Variants in NR3C1 observed in about 807,000 individuals in gnomAD.
The protein encoded by NR3C1 is nuclear receptor subfamily 3 group C member 1, also known as glucocorticoid receptor.
A neutral mutation model predicts 74.0 loss-of-function variants in NR3C1; 14 were observed. That is an observed-to-expected ratio of 0.19 (90% CI 0.12 to 0.30). The LOEUF is 0.30. Ranked by LOEUF, NR3C1 falls within the 10% of genes least tolerant of loss-of-function variation. The pLI, the probability that NR3C1 is intolerant of heterozygous loss-of-function variation, is 1.00. For synonymous variants in NR3C1, 308 were observed against 332.5 expected (o/e 0.93, Z 0.80); for missense variants, 695 against 909.8 (o/e 0.76, Z 3.04).
chr5:143,285,020 TTA>T (rs1814058870), intron 7 of NR3C1, among the ~76,000 whole-genome samples: 2 of 129,524 alleles, frequency 1.5e-5, no homozygotes, highest in African/African-American at 3.2e-5. Flanking sequence ...TCTGTACAAT[TTA>T]TGGGTCAGAC....
In NR3C1 at chr5:143,388,040, CTA is replaced by C. The variant is rs61751255; in HGVS notation, c.1184+11614_1184+11615del. Among the ~76,000 whole-genome samples the C allele has an allele frequency of 5.4e-3, 823 of 152,308 alleles. 12 individuals carry two copies. The highest frequency in any genetic ancestry group is 0.019 in the African/African-American group (806 of 41,568). On this transcript the variant is annotated intron_variant, in intron 2 of 8. Transcript: ENST00000394464. ...CAAAAGTTCCTATATTGACAATTTA[CTA>C]TGTTACTGCCTTGAGCAAGCTTTTA...
chr5:143,400,258 C>A lies in NR3C1; in HGVS notation c.582G>T (p.Leu194Phe), dbSNP rs763687387. 5.6e-6 allele frequency: 9 copies of A among 1,596,822 alleles called. No individual in the cohort carries two copies. The highest frequency in any genetic ancestry group is 3.4e-6 in the Non-Finnish European group (4 of 1,172,930). Residue 194 changes from leucine to phenylalanine, a missense_variant, in exon 2 of 9, where the codon TTG becomes TTT. By Grantham distance (22) the Leu-to-Phe change is conservative (BLOSUM62 0). Transcript: ENST00000394464. ...ACCCAGAAGAAAACTCCAAATCCTG[C>A]AAAATGTCAAAGGTGCTTTGGTCTG... is the stretch of plus-strand genomic sequence containing the variant. ...YTTDQSTFDI[L>F]QDLEFSSGSP...
At chr5:143,349,509 T>C (rs1055863539) in intron 2 of NR3C1, among the ~76,000 whole-genome samples, 2 of 152,172 alleles carry the variant, frequency 1.3e-5, no homozygotes, top group Admixed American at 6.5e-5. Context: ...TGTTATCAGA[T>C]AGTGGACTCT....
intron 4 of NR3C1, among the ~76,000 whole-genome samples, chr5:143,301,386 G>A (rs886497950): frequency 5.3e-5 from 8 of 152,110 alleles, no homozygotes; most frequent in African/African-American, 1.9e-4. Flanking sequence ...TAAATACTGC[G>A]TGGGACTAAA....
exon 1 of NR3C1, chr5:143,434,955 TA>T (rs925723508): frequency 1.0e-6 from 1 of 985,000 alleles, no homozygotes; most frequent in Non-Finnish European, 1.2e-6. Flanking sequence ...CTCTCGGGTA[TA>T]ACTTTTTTTT....
At chr5:143,377,499 G>C (rs892793414) in intron 2 of NR3C1, among the ~76,000 whole-genome samples, 12 of 152,228 alleles carry the variant, frequency 7.9e-5, no homozygotes, top group Admixed American at 7.9e-4. Flanking sequence ...TTCAGCACCT[G>C]CTACAGTTAA....
At chr5:143,365,497 TA>T in intron 2 of NR3C1, among the ~76,000 whole-genome samples, 1 of 152,296 alleles carries the variant, frequency 6.6e-6, no homozygotes, top group Non-Finnish European at 1.5e-5. Context: ...TACTTGTACC[TA>T]ACAATAGAAT....
At chr5:143,414,436 A>G (rs763590752) in intron 1 of NR3C1, among the ~76,000 whole-genome samples, 9 of 152,206 alleles carry the variant, frequency 5.9e-5, no homozygotes, top group Non-Finnish European at 8.8e-5. Flanking sequence ...CTCTGTGAAT[A>G]CTTGCTGATT....
At chr5:143,339,263 A>C (rs768070478) in intron 2 of NR3C1, among the ~76,000 whole-genome samples, 4 of 152,164 alleles carry the variant, frequency 2.6e-5, no homozygotes, top group Non-Finnish European at 1.5e-5. Context: ...AACTCAAAAT[A>C]AAAAATAGAA....
chr5:143,397,034 T>C (rs891253560), intron 2 of NR3C1, among the ~76,000 whole-genome samples: 2 of 151,874 alleles, frequency 1.3e-5, no homozygotes, highest in African/African-American at 4.8e-5. Flanking sequence ...TTTCTCTTGT[T>C]TTACTATAAA....
intron 2 of NR3C1, among the ~76,000 whole-genome samples, chr5:143,348,166 G>C (rs984028932): frequency 1.4e-4 from 21 of 152,264 alleles, no homozygotes; most frequent in Non-Finnish European, 1.0e-4. Context: ...GCATCAGCTC[G>C]TGTTTCCGGT....
chr5:143,335,103 T>A (rs1284388631), intron 2 of NR3C1, among the ~76,000 whole-genome samples: 1 of 152,176 alleles, frequency 6.6e-6, no homozygotes, highest in East Asian at 1.9e-4. Flanking sequence ...ACGCTATTTG[T>A]GGGTCTTGGT....
At chr5:143,356,228 T>A (rs1475213907) in intron 2 of NR3C1, among the ~76,000 whole-genome samples, 1 of 152,182 alleles carries the variant, frequency 6.6e-6, no homozygotes, top group Non-Finnish European at 1.5e-5. Flanking sequence ...TTAAATAAAA[T>A]TTTTAAAGGA....
chr5:143,332,471 G>A lies in NR3C1; in HGVS notation c.1185-18303C>T, dbSNP rs950525252. ...ACGCATGCCGGGCTTAATACCTGATGAGTTGATAGGTACAGCAAACCACCA... is the reference window on the plus strand; with the variant it reads ...ACGCATGCCGGGCTTAATACCTGATAAGTTGATAGGTACAGCAAACCACCA... On this transcript the variant is annotated intron_variant, in intron 2 of 8. Transcript: ENST00000394464. 1.5e-4 allele frequency: 77 copies of A among 526,276 alleles called. No homozygotes were observed. The Middle Eastern group carries it at 1.5e-3, about 10-fold the overall frequency. 32.6% of individuals were successfully genotyped at this position (526,276 alleles called of 1,614,324 possible).
intron 2 of NR3C1, among the ~76,000 whole-genome samples, chr5:143,354,640 A>T (rs1229500723): frequency 6.6e-6 from 1 of 152,180 alleles, no homozygotes; most frequent in South Asian, 2.1e-4. Context: ...GAAAACAATT[A>T]AAATAGTAAC....
intron 1 of NR3C1, among the ~76,000 whole-genome samples, chr5:143,418,567 T>G (rs915403779): frequency 1.3e-5 from 2 of 152,296 alleles, no homozygotes; most frequent in African/African-American, 4.8e-5. Flanking sequence ...TGCAGTGAGC[T>G]GGAGATAGAG....
intron 2 of NR3C1, among the ~76,000 whole-genome samples, chr5:143,354,807 C>T (rs1267052250): frequency 2.6e-5 from 4 of 151,320 alleles, no homozygotes; most frequent in South Asian, 2.1e-4. Flanking sequence ...CCTGTAGGCC[C>T]GGCTACTGGG....
rs34569272 is a variant in NR3C1, at chr5:143,432,392, C to T, written c.-14+2140G>A. Among the ~76,000 whole-genome samples, 1,199 of 152,114 alleles carry T rather than the reference C, an allele frequency of 7.9e-3. 17 individuals are homozygous for T. Among genetic ancestry groups the T allele is most frequent in the African/African-American group, 0.027 (1,127 of 41,500 alleles). ...CAGGTGATGGTGACTGTGGTGGCAA[C>T]GGGGATGGGGACAGATTTCTAGTCC... On this transcript the variant is annotated intron_variant, in intron 1 of 8. Coordinates refer to the NR3C1 transcript ENST00000343796.
exon 1 of NR3C1, chr5:143,434,772 C>T (rs1313162958): frequency 4.1e-6 from 4 of 985,474 alleles, no homozygotes; most frequent in Non-Finnish European, 4.8e-6. Context: ...TGGCCCCTTT[C>T]CTGGGCTAAC....
Sources: allele counts gnomAD v4.1 joint callset (sites outside exome capture counted in the v4.1 genomes callset), GRCh38; gene constraint gnomAD v4.1.1; transcripts MANE v1.5; gene names NCBI Gene and HGNC (gene_info 2026-07-23, HGNC 2026-07-21).